The following CDH18 variants were observed in gnomAD, a reference collection of about 807,000 sequenced individuals.
The protein encoded by CDH18 is cadherin-18.
In CDH18, 31 loss-of-function variants were observed where a neutral mutation model predicts 67.9. That is an observed-to-expected ratio of 0.46 (90% CI 0.34 to 0.62). CDH18 has a LOEUF of 0.62. CDH18 is among the 20% of genes least tolerant of loss of function. The probability of loss-of-function intolerance (pLI) is 0.01; values close to 1 mark genes in which losing one functional copy is unlikely to be tolerated. For missense variants in CDH18, 890 were observed against 975.5 expected, an observed-to-expected ratio of 0.91 and a Z score of 1.17; for synonymous variants, 362 against 347.2, an observed-to-expected ratio of 1.04 and a Z score of -0.48.
intron 1 of CDH18, among the ~76,000 whole-genome samples, chr5:20,459,424 G>A (rs1751088674): frequency 6.6e-6 from 1 of 152,172 alleles, no homozygotes; most frequent in Admixed American, 6.5e-5. Flanking sequence ...TCTCTGGAAA[G>A]GGGAGCATCC....
At chr5:20,488,985 G>A (rs1399598250) in intron 1 of CDH18, among the ~76,000 whole-genome samples, 3 of 151,892 alleles carry the variant, frequency 2.0e-5, no homozygotes, top group East Asian at 1.9e-4. Context: ...TACAGTTACC[G>A]AATACAGACT....
intron 1 of CDH18, among the ~76,000 whole-genome samples, chr5:20,350,488 C>G (rs541945771): frequency 3.1e-4 from 47 of 152,184 alleles, no homozygotes; most frequent in Admixed American, 1.2e-3. Context: ...AAAATTATTA[C>G]CTAAAATATT....
chr5:20,396,500 C>T (rs891399620), intron 1 of CDH18, among the ~76,000 whole-genome samples: 162 of 151,406 alleles, frequency 1.1e-3, no homozygotes, highest in African/African-American at 3.8e-3. Flanking sequence ...GAAGCTACTA[C>T]TTACAAAAAT....
chr5:20,523,306 G>A (rs1178044783), intron 1 of CDH18, among the ~76,000 whole-genome samples: 4 of 152,184 alleles, frequency 2.6e-5, no homozygotes, highest in Non-Finnish European at 5.9e-5. Flanking sequence ...CTGTAAGCCT[G>A]TGAAGAGTGC....
rs992640584 is a variant in CDH18, at chr5:19,546,229, C to T, written c.1254-2224G>A. On this transcript the variant is annotated intron_variant, in intron 8 of 12. Transcript: ENST00000382275. ...GACTGGAGATTTATTACAGTGGCTT[C>T]AACAGTATATTGAATGTGAAGATAC... Among the ~76,000 whole-genome samples the T allele has an allele frequency of 6.6e-4, 100 of 152,096 alleles. 1 individual carries two copies. The highest frequency in any genetic ancestry group is 2.1e-4 in the South Asian group (1 of 4,826).
At chr5:20,450,941 A>T (rs1750398917) in intron 1 of CDH18, among the ~76,000 whole-genome samples, 1 of 152,142 alleles carries the variant, frequency 6.6e-6, no homozygotes, top group Admixed American at 6.5e-5. Context: ...GTGCAGGAGA[A>T]ATATTCTTTA....
At chr5:20,053,147 T>G (rs538099207) in intron 2 of CDH18, among the ~76,000 whole-genome samples, 1 of 152,090 alleles carries the variant, frequency 6.6e-6, no homozygotes, top group East Asian at 1.9e-4. Flanking sequence ...TAGATATTTT[T>G]ACATTGTTAA....
chr5:20,277,462 C>T (rs1446114586), intron 1 of CDH18, among the ~76,000 whole-genome samples: 2 of 152,142 alleles, frequency 1.3e-5, no homozygotes, highest in Non-Finnish European at 2.9e-5. Context: ...TTGGGTGCCT[C>T]CAGTGCAGAT....
chr5:20,198,501 C>T (rs748470143), intron 2 of CDH18, among the ~76,000 whole-genome samples: 10 of 152,074 alleles, frequency 6.6e-5, no homozygotes, highest in East Asian at 3.9e-4. Context: ...TTAGGGTATC[C>T]GGCAGAAGAA....
intron 2 of CDH18, among the ~76,000 whole-genome samples, chr5:20,053,026 A>AG (rs1741569758): frequency 2.0e-5 from 3 of 148,972 alleles, no homozygotes; most frequent in African/African-American, 7.3e-5. Context: ...TCCTCAGTTT[A>AG]TTTTTTTTTT....
chr5:19,964,647 CAA>C lies in CDH18; in HGVS notation c.-257+16411_-257+16412del, dbSNP rs10719096. 1.3e-3 allele frequency among the ~76,000 whole-genome samples: 103 copies of C among 77,218 alleles called. No individual in the cohort carries two copies. In the South Asian group the frequency reaches 0.033, roughly 24 times the overall value. The allele number at this position is 77,218 out of a possible 152,430, so 50.7% of individuals were successfully genotyped here. ...TGGATGGCAGGGCAAGGCCCTGTAT[CAA>C]AAAAAAAAAAAAGAAAAAAAAAGAA... is the stretch of plus-strand genomic sequence containing the variant. On this transcript the variant is annotated intron_variant, in intron 2 of 12. Transcript: ENST00000382275.
chr5:19,972,735 A>G (rs1174856538), intron 2 of CDH18, among the ~76,000 whole-genome samples: 1 of 152,016 alleles, frequency 6.6e-6, no homozygotes, highest in African/African-American at 2.4e-5. Context: ...AAAGCTGAAT[A>G]TATACATAAC....
At chr5:20,534,783 C>T (rs1307716744) in intron 1 of CDH18, among the ~76,000 whole-genome samples, 4 of 151,734 alleles carry the variant, frequency 2.6e-5, no homozygotes, top group Admixed American at 2.6e-4. Flanking sequence ...TTTAGCACAT[C>T]CTTGATTACT....
chr5:20,204,102 CT>C (rs1415756880), intron 2 of CDH18, among the ~76,000 whole-genome samples: 4 of 151,978 alleles, frequency 2.6e-5, no homozygotes, highest in African/African-American at 9.7e-5. Flanking sequence ...TAGAAAACTT[CT>C]CAAAACTTGA....
intron 2 of CDH18, among the ~76,000 whole-genome samples, chr5:19,993,378 C>G (rs944028576): frequency 6.6e-6 from 1 of 152,002 alleles, no homozygotes; most frequent in African/African-American, 2.4e-5. Flanking sequence ...GAATGTGGTG[C>G]TATTACTATC....
chr5:20,095,334 AG>A, intron 2 of CDH18, among the ~76,000 whole-genome samples: 1 of 143,798 alleles, frequency 7.0e-6, no homozygotes, highest in Admixed American at 7.2e-5. Flanking sequence ...AAAGAAAGAA[AG>A]AAAGAAAGAA....
chr5:19,766,068 A>G (rs1270598815), intron 3 of CDH18, among the ~76,000 whole-genome samples: 2 of 151,982 alleles, frequency 1.3e-5, no homozygotes, highest in African/African-American at 4.8e-5. Context: ...TAGTAGGGAC[A>G]GGGTTTCACC....
At chr5:19,524,774 C>T (rs1452158421) in intron 9 of CDH18, among the ~76,000 whole-genome samples, 2 of 152,070 alleles carry the variant, frequency 1.3e-5, no homozygotes, top group Non-Finnish European at 2.9e-5. Context: ...GAGATGGAGT[C>T]TCGCTCTGTC....
chr5:19,970,240 A>T (rs1192712524), intron 2 of CDH18, among the ~76,000 whole-genome samples: 1 of 151,328 alleles, frequency 6.6e-6, no homozygotes, highest in Non-Finnish European at 1.5e-5. Context: ...TAGTATTAAT[A>T]CATATTATAT....
Sources: gnomAD v4.1 joint callset for allele counts (sites outside exome capture counted in the v4.1 genomes callset) on GRCh38, gnomAD v4.1.1 for gene constraint, MANE v1.5 for transcripts, NCBI Gene and HGNC (gene_info 2026-07-23, HGNC 2026-07-21) for gene names.